GMDS: variants seen among roughly 807,000 people sequenced by gnomAD.
GMDS encodes the protein GDP-mannose 4,6 dehydratase.
GMDS carries 20 observed loss-of-function variants against 49.9 expected under a neutral mutation model. That is an observed-to-expected ratio of 0.40 (90% CI 0.28 to 0.58). The LOEUF (loss-of-function observed/expected upper bound fraction) is 0.58, where lower values mean the gene tolerates loss of function less well. Ranked by LOEUF, GMDS falls within the 20% of genes least tolerant of loss-of-function variation. The pLI is 0.42. For missense variants in GMDS, 362 were observed against 481.4 expected (o/e 0.75, Z 2.32); for synonymous variants, 177 against 178.6 (o/e 0.99, Z 0.07).
intron 4 of GMDS, among the ~76,000 whole-genome samples, chr6:1,999,705 G>A (rs909577006): frequency 6.7e-6 from 1 of 149,286 alleles, no homozygotes; most frequent in African/African-American, 2.5e-5. Flanking sequence ...AAACAAAAAT[G>A]AATGACAGGA....
chr6:1,644,245 G>GA lies in GMDS; in HGVS notation c.988-19706dup, dbSNP rs144872477. ...GGGAGACCCCTGATTCCACCCGAGC[G>GA]AACGTGTGAACGATAGCGGATGGCA... On this transcript the variant is annotated intron_variant, in intron 9 of 10. Coordinates refer to ENST00000380815, the MANE Select transcript of GMDS (RefSeq NM_001500.4). Among the ~76,000 whole-genome samples, 1,154 of 152,310 alleles carry GA rather than the reference G, an allele frequency of 7.6e-3. 16 individuals carry two copies. Among genetic ancestry groups the GA allele is most frequent in the African/African-American group, 0.026 (1,087 of 41,560 alleles).
rs1168909128 is a variant in GMDS at position 2,191,590 on chromosome 6, C to T, written c.102+53731G>A. Reference sequence around the variant, plus strand: ...CTGTCTGGCCTCTCCCCGCTCCAGGCACCTGCTATGATCTCCGAATGGGGT... The same window carrying T: ...CTGTCTGGCCTCTCCCCGCTCCAGGTACCTGCTATGATCTCCGAATGGGGT... On this transcript the variant is annotated intron_variant, in intron 1 of 10. Transcript: ENST00000380815. This position sits in a 1 kb window ranked among gnomAD's most constrained non-coding sequence, Gnocchi z 4.6. Among the ~76,000 whole-genome samples the T allele has an allele frequency of 6.6e-6, 1 of 152,214 alleles. No individual in the cohort carries two copies. The highest frequency in any genetic ancestry group is 1.9e-4 in the East Asian group (1 of 5,184).
intron 7 of GMDS, among the ~76,000 whole-genome samples, chr6:1,908,889 G>C (rs893013576): frequency 1.3e-5 from 2 of 152,178 alleles, no homozygotes; most frequent in African/African-American, 4.8e-5. Context: ...ACTCACGGCT[G>C]ACCCTAAAGG....
chr6:1,824,617 TG>T (rs1460409046), intron 7 of GMDS, among the ~76,000 whole-genome samples: 1 of 152,130 alleles, frequency 6.6e-6, no homozygotes, highest in Admixed American at 6.5e-5. Context: ...GGGTATCAGA[TG>T]AGGATCCAAA....
intron 7 of GMDS, among the ~76,000 whole-genome samples, chr6:1,807,050 A>G: frequency 6.6e-6 from 1 of 150,448 alleles, no homozygotes; most frequent in East Asian, 2.0e-4. Flanking sequence ...CAGAATTATA[A>G]TTTTTTTTTT....
chr6:1,658,961 C>A (rs1386260722), intron 9 of GMDS, among the ~76,000 whole-genome samples: 1 of 152,184 alleles, frequency 6.6e-6, no homozygotes, highest in Admixed American at 6.5e-5. Context: ...GTAGAAGTCA[C>A]GTGAGGCAGG....
chr6:2,201,731 C>T (rs1779544806), intron 1 of GMDS, among the ~76,000 whole-genome samples: 1 of 117,422 alleles, frequency 8.5e-6, no homozygotes, highest in African/African-American at 3.3e-5. Flanking sequence ...GCAGTGAGGG[C>T]AGCATGTTAG....
intron 9 of GMDS, among the ~76,000 whole-genome samples, chr6:1,658,453 C>T (rs1432522717): frequency 6.6e-6 from 1 of 152,250 alleles, no homozygotes; most frequent in African/African-American, 2.4e-5. Context: ...CTACCTGTGT[C>T]CAGGTGAGAG....
intron 7 of GMDS, among the ~76,000 whole-genome samples, chr6:1,818,144 T>C (rs371450015): frequency 5.3e-5 from 8 of 152,334 alleles, no homozygotes; most frequent in African/African-American, 1.9e-4. Flanking sequence ...ACGACAGGTA[T>C]AAATATTACC....
chr6:1,966,337 T>C (rs1581433537), intron 4 of GMDS, among the ~76,000 whole-genome samples: 3 of 150,710 alleles, frequency 2.0e-5, no homozygotes, highest in African/African-American at 7.3e-5. Flanking sequence ...AAAATCTTAT[T>C]TCACCTAATA....
chr6:1,730,557 T>C (rs1004163811), intron 8 of GMDS, among the ~76,000 whole-genome samples: 1 of 152,178 alleles, frequency 6.6e-6, no homozygotes, highest in African/African-American at 2.4e-5. Flanking sequence ...GTGGCTGGAC[T>C]GAAGGCTACA....
intron 9 of GMDS, among the ~76,000 whole-genome samples, chr6:1,700,401 C>T (rs548944994): frequency 3.3e-5 from 5 of 152,206 alleles, no homozygotes; most frequent in African/African-American, 1.2e-4. Flanking sequence ...AGATTAAATA[C>T]AGCTCCTCAG....
At position 2,061,012 on chromosome 6, in the gene GMDS, T is replaced by TA. The variant is rs573612391; in HGVS notation, c.345+54758dup. On this transcript the variant is annotated intron_variant, in intron 4 of 10. Coordinates refer to ENST00000380815, the MANE Select transcript of GMDS (RefSeq NM_001500.4). Reference sequence around the variant, plus strand: ...CCTGGCAACAGAGCAAGACTCCATCTAAAAAAACAAAAAAAAAAAAGAAAG... The same window carrying TA: ...CCTGGCAACAGAGCAAGACTCCATCTAAAAAAAACAAAAAAAAAAAAGAAAG... 2.0e-3 allele frequency among the ~76,000 whole-genome samples: 282 copies of TA among 139,884 alleles called. 2 individuals are homozygous for TA. The highest frequency in any genetic ancestry group is 2.6e-3 in the Non-Finnish European group (165 of 64,108). The allele number at this position is 139,884 out of a possible 152,430, so 91.8% of individuals were successfully genotyped here. A position where few individuals can be genotyped will look rare whatever the true frequency, so the allele number is the denominator to read the frequency against.
chr6:1,630,190 G>A (rs1762956758), intron 9 of GMDS, among the ~76,000 whole-genome samples: 1 of 152,216 alleles, frequency 6.6e-6, no homozygotes, highest in Non-Finnish European at 1.5e-5. Flanking sequence ...CAGGATTTAA[G>A]CAAGTTAACT....
At chr6:2,059,175 C>CAAAAAAA (rs55832305) in intron 4 of GMDS, among the ~76,000 whole-genome samples, 1 of 30,018 alleles carries the variant, frequency 3.3e-5, no homozygotes, top group African/African-American at 1.3e-4. Context: ...TCCTCTGTCT[C>CAAAAAAA]AAAAAAAAAA....
chr6:1,819,388 G>C (rs374714149), intron 7 of GMDS, among the ~76,000 whole-genome samples: 2 of 152,274 alleles, frequency 1.3e-5, no homozygotes, highest in African/African-American at 4.8e-5. Flanking sequence ...GAAAAGCACT[G>C]AGTTGTACCT....
At chr6:1,861,245 T>C (rs1173715277) in intron 7 of GMDS, among the ~76,000 whole-genome samples, 3 of 152,152 alleles carry the variant, frequency 2.0e-5, no homozygotes, top group Non-Finnish European at 4.4e-5. Context: ...CTGGGCTCAG[T>C]CCTGTGTTGA....
chr6:2,042,350 C>G (rs1403106703), intron 4 of GMDS, among the ~76,000 whole-genome samples: 1 of 152,138 alleles, frequency 6.6e-6, no homozygotes, highest in Non-Finnish European at 1.5e-5. Flanking sequence ...ATGGCTGACC[C>G]ATCAGCAGGT....
intron 7 of GMDS, among the ~76,000 whole-genome samples, chr6:1,808,813 T>C (rs1770286776): frequency 6.6e-6 from 1 of 152,172 alleles, no homozygotes; most frequent in Admixed American, 6.5e-5. Flanking sequence ...GAACCCAACA[T>C]TACAAAATAC....
Sources: allele counts gnomAD v4.1 joint callset (sites outside exome capture counted in the v4.1 genomes callset), GRCh38; gene constraint gnomAD v4.1.1; non-coding constraint Gnocchi (gnomAD v3.1); transcripts MANE v1.5; gene names NCBI Gene and HGNC (gene_info 2026-07-23, HGNC 2026-07-21).